ZDHHC3: variants seen among roughly 807,000 people sequenced by gnomAD.
ZDHHC3 encodes zDHHC palmitoyltransferase 3.
A neutral mutation model predicts 30.6 loss-of-function variants in ZDHHC3; 9 were observed. The observed-to-expected ratio is 0.29, with a 90% CI of 0.18 to 0.51. The LOEUF (loss-of-function observed/expected upper bound fraction) is 0.51, where lower values mean the gene tolerates loss of function less well. ZDHHC3 is among the 20% of genes least tolerant of loss of function. The probability of loss-of-function intolerance (pLI) is 0.97; values close to 1 mark genes in which losing one functional copy is unlikely to be tolerated. For missense variants in ZDHHC3, 246 were observed against 384.2 expected, an observed-to-expected ratio of 0.64 and a Z score of 3.01; for synonymous variants, 136 against 140.2, an observed-to-expected ratio of 0.97 and a Z score of 0.21.
intron 1 of ZDHHC3, among the ~76,000 whole-genome samples, chr3:44,963,006 G>C (rs1704614486): frequency 6.6e-6 from 1 of 152,200 alleles, no homozygotes; most frequent in Non-Finnish European, 1.5e-5. Flanking sequence ...GGCTGGCACA[G>C]AGTAGCCACT....
At position 44,922,131 on chromosome 3, in the gene ZDHHC3, T is replaced by C. The variant is rs191254469; in HGVS notation, c.*4558A>G. 161 of 985,454 alleles carry C rather than the reference T, an allele frequency of 1.6e-4. 1 individual carries two copies. The African/African-American group carries it at 2.6e-3, about 16-fold the overall frequency. 61.0% of individuals were successfully genotyped at this position (985,454 alleles called of 1,614,324 possible). On this transcript the variant is annotated 3_prime_UTR_variant, in exon 7 of 7. Transcript: ENST00000424952. Reference sequence around the variant, plus strand: ...GGTCAGTGGCTTGTTTCTGCTTCACTGTGAATTCTTTCTCTTCTATGAGGT... The same window carrying C: ...GGTCAGTGGCTTGTTTCTGCTTCACCGTGAATTCTTTCTCTTCTATGAGGT...
At chr3:44,958,706 A>G in intron 2 of ZDHHC3, 1 of 1,531,572 alleles carries the variant, frequency 6.5e-7, no homozygotes, top group Non-Finnish European at 8.7e-7. Context: ...ATGTGGCTTT[A>G]ATTTCAAGTC....
chr3:44,963,722 G>C (rs1405893973), intron 1 of ZDHHC3, among the ~76,000 whole-genome samples: 1 of 152,126 alleles, frequency 6.6e-6, no homozygotes, highest in Admixed American at 6.5e-5. Context: ...CAGGCTTCTG[G>C]GACAGGGCCC....
In ZDHHC3 at chr3:44,922,650, A is replaced by G. The variant is rs1700680325; in HGVS notation, c.*4039T>C. The G allele has an allele frequency of 1.0e-6, 1 of 984,616 alleles. No individual in the cohort carries two copies. The highest frequency in any genetic ancestry group is 1.8e-5 in the African/African-American group (1 of 56,896). 61.0% of individuals were successfully genotyped at this position (984,616 alleles called of 1,614,324 possible). A position where few individuals can be genotyped will look rare whatever the true frequency, so the allele number is the denominator to read the frequency against. On this transcript the variant is annotated 3_prime_UTR_variant, in exon 7 of 7. Transcript: ENST00000424952. The stretch of plus-strand genomic sequence containing the variant: ...GGCATCAGGGACCACCTGAGGGGGG[A>G]CTCCTGCTAGCCCCAACTGGATTCT...
At position 44,919,279 on chromosome 3, in the gene ZDHHC3, C is replaced by G. The variant is rs953383456; in HGVS notation, c.*7410G>C. On this transcript the variant is annotated 3_prime_UTR_variant, in exon 7 of 7. Coordinates refer to ENST00000424952, the MANE Select transcript of ZDHHC3 (RefSeq NM_001135179.2). ...TATCAACACCATATGCCTCCTGATA[C>G]GGTGCAACGAGGACACATTGCTTCA... 1 of 221,404 alleles carries G rather than the reference C, an allele frequency of 4.5e-6. No individual in the cohort carries two copies. The highest frequency in any genetic ancestry group is 2.4e-5 in the African/African-American group (1 of 42,458). 13.7% of individuals were successfully genotyped at this position (221,404 alleles called of 1,614,324 possible).
chr3:44,932,377 T>TA (rs1320512020), intron 5 of ZDHHC3, among the ~76,000 whole-genome samples: 1 of 151,870 alleles, frequency 6.6e-6, no homozygotes, highest in Non-Finnish European at 1.5e-5. Context: ...GACAGTGAAA[T>TA]AAAAAAAAGG....
In ZDHHC3 at chr3:44,918,473, G is replaced by A. The variant is rs1383130275; in HGVS notation, c.*8216C>T. 1.0e-6 allele frequency: 1 copy of A among 985,404 alleles called. No homozygotes were observed. The highest frequency in any genetic ancestry group is 1.2e-6 in the Non-Finnish European group (1 of 829,932). The allele number at this position is 985,404 out of a possible 1,614,324, so 61.0% of individuals were successfully genotyped here. A position where few individuals can be genotyped will look rare whatever the true frequency, so the allele number is the denominator to read the frequency against. On this transcript the variant is annotated 3_prime_UTR_variant, in exon 7 of 7. Coordinates refer to ENST00000424952, the MANE Select transcript of ZDHHC3 (RefSeq NM_001135179.2). ...ATGCCAGATGATGGGCAGGGGCTAG[G>A]CTGATGAGTGGCTGAGGCATAAGGG...
intron 3 of ZDHHC3, 139 bp downstream of exon 3, chr3:44,945,029 A>G: frequency 7.9e-7 from 1 of 1,260,922 alleles, no homozygotes; most frequent in Non-Finnish European, 1.1e-6. Context: ...CTCTGCCCAG[A>G]GCAGGGGACA....
intron 3 of ZDHHC3, chr3:44,938,494 A>C (rs562868899): frequency 5.1e-5 from 10 of 196,040 alleles, no homozygotes; most frequent in Admixed American, 1.4e-4. Flanking sequence ...AGCACAAAGG[A>C]CGATATTTCA....
In ZDHHC3 at chr3:44,922,345, T is replaced by A; in HGVS notation, c.*4344A>T. The A allele has an allele frequency of 1.0e-6, 1 of 985,394 alleles. No homozygotes were observed. Among genetic ancestry groups the A allele is most frequent in the Non-Finnish European group, 1.2e-6 (1 of 829,914 alleles). 61.0% of individuals were successfully genotyped at this position (985,394 alleles called of 1,614,324 possible). A position where few individuals can be genotyped will look rare whatever the true frequency, so the allele number is the denominator to read the frequency against. ...GTCCCTTGGTTCTACTCTTTTCTCT[T>A]TCCCTTCCGGGCTGCTTCTTCACCC... On this transcript the variant is annotated 3_prime_UTR_variant, in exon 7 of 7. Transcript: ENST00000424952.
Position 44,921,113 on chromosome 3 carries a change from T to C in ZDHHC3, c.*5576A>G. ...GGTCATAGTCGACACCAGAAGCTCTTGCAGGGTGTGTGATGGGCCTTTTGG... is the reference window on the plus strand; with the variant it reads ...GGTCATAGTCGACACCAGAAGCTCTCGCAGGGTGTGTGATGGGCCTTTTGG... On this transcript the variant is annotated 3_prime_UTR_variant, in exon 7 of 7. Coordinates refer to ENST00000424952, the MANE Select transcript of ZDHHC3 (RefSeq NM_001135179.2). The C allele has an allele frequency of 1.0e-6, 1 of 985,400 alleles. No individual in the cohort carries two copies. Among genetic ancestry groups the C allele is most frequent in the African/African-American group, 1.7e-5 (1 of 57,338 alleles). 61.0% of individuals were successfully genotyped at this position (985,400 alleles called of 1,614,324 possible).
At chr3:44,948,754 T>C (rs1266860325) in intron 2 of ZDHHC3, among the ~76,000 whole-genome samples, 1 of 152,170 alleles carries the variant, frequency 6.6e-6, no homozygotes, top group Non-Finnish European at 1.5e-5. Context: ...GAGGTGGGCC[T>C]ACAGATCTCC....
In ZDHHC3 at chr3:44,925,562, T is replaced by G. The variant is rs1700913592; in HGVS notation, c.*1127A>C. 1.0e-6 allele frequency: 1 copy of G among 985,382 alleles called. No homozygotes were observed. The highest frequency in any genetic ancestry group is 1.2e-6 in the Non-Finnish European group (1 of 829,966). The allele number at this position is 985,382 out of a possible 1,614,324, so 61.0% of individuals were successfully genotyped here. ...TCCCAGTGCCACAGGCTTAGGTGTG[T>G]CTGTGGATTCTGGCCAATGGGATGG... On this transcript the variant is annotated 3_prime_UTR_variant, in exon 7 of 7. Coordinates refer to ENST00000424952, the MANE Select transcript of ZDHHC3 (RefSeq NM_001135179.2).
In ZDHHC3 at chr3:44,915,471, A is replaced by C. The variant is rs1326725545; in HGVS notation, c.*11218T>G. ...TCAGGGTTGGACAGGTTAATTACCTACATAACCCTGGCTGTGGCCCAGCCC... is the reference window on the plus strand; with the variant it reads ...TCAGGGTTGGACAGGTTAATTACCTCCATAACCCTGGCTGTGGCCCAGCCC... On this transcript the variant is annotated 3_prime_UTR_variant, in exon 7 of 7. Coordinates refer to ENST00000424952, the MANE Select transcript of ZDHHC3 (RefSeq NM_001135179.2). 2 of 152,220 alleles carry C rather than the reference A, an allele frequency of 1.3e-5. No individual in the cohort carries two copies. The highest frequency in any genetic ancestry group is 6.5e-5 in the Admixed American group (1 of 15,286). 9.4% of individuals were successfully genotyped at this position (152,220 alleles called of 1,614,324 possible).
At chr3:44,929,529 C>T in intron 5 of ZDHHC3, 93 bp from the exon 6 acceptor site, 23 of 1,515,868 alleles carry the variant, frequency 1.5e-5, no homozygotes, top group Non-Finnish European at 1.8e-5. Context: ...CTGCCTCCTG[C>T]TTGCAGGCCT....
At position 44,933,873 on chromosome 3, in the gene ZDHHC3, T is replaced by C. The variant is rs2125828641; in HGVS notation, c.528+15A>G. 6.2e-7 allele frequency: 1 copy of C among 1,613,604 alleles called. No individual in the cohort carries two copies. Among genetic ancestry groups the C allele is most frequent in the Non-Finnish European group, 8.5e-7 (1 of 1,179,526 alleles). The stretch of plus-strand genomic sequence containing the variant: ...GCTTCATGGGGGGCAGGGCAGAATT[T>C]GCAAGCTGACTTACTGTAAACAGGA... On this transcript the variant is annotated intron_variant, in intron 4 of 6. Transcript: ENST00000424952.
At chr3:44,973,043 G>A (rs1395947789) in intron 1 of ZDHHC3, among the ~76,000 whole-genome samples, 1 of 152,016 alleles carries the variant, frequency 6.6e-6, no homozygotes, top group African/African-American at 2.4e-5. Flanking sequence ...TTAAAATATT[G>A]GGTTGCAACA....
In ZDHHC3 at chr3:44,915,287, C is replaced by T. The variant is rs1421191843; in HGVS notation, c.*11402G>A. The T allele has an allele frequency of 6.6e-6, 1 of 152,162 alleles. No homozygotes were observed. Among genetic ancestry groups the T allele is most frequent in the Non-Finnish European group, 1.5e-5 (1 of 68,046 alleles). 9.4% of individuals were successfully genotyped at this position (152,162 alleles called of 1,614,324 possible). ...GAGGGTGAGCAAAGAGCTTTTTATT[C>T]AAAGAAAGAGGCAAATTGCACCCAA... On this transcript the variant is annotated 3_prime_UTR_variant, in exon 7 of 7. Transcript: ENST00000424952.
rs1700686854 is a variant in ZDHHC3 at position 44,922,717 on chromosome 3, C to CCTGG, written c.*3971_*3972insCCAG. 1.0e-6 allele frequency: 1 copy of CCTGG among 984,774 alleles called. No individual in the cohort carries two copies. The highest frequency in any genetic ancestry group is 1.2e-6 in the Non-Finnish European group (1 of 829,498). The allele number at this position is 984,774 out of a possible 1,614,324, so 61.0% of individuals were successfully genotyped here. A position where few individuals can be genotyped will look rare whatever the true frequency, so the allele number is the denominator to read the frequency against. On this transcript the variant is annotated 3_prime_UTR_variant, in exon 7 of 7. Transcript: ENST00000424952. ...AATCACCTGGAGGGCTGTTAAGACA[C>CCTGG]GGGCTGCTGGGCCCCGCTCGGTTTC...
Sources: gnomAD v4.1 joint callset for allele counts (sites outside exome capture counted in the v4.1 genomes callset) on GRCh38, gnomAD v4.1.1 for gene constraint, MANE v1.5 for transcripts, NCBI Gene and HGNC (gene_info 2026-07-23, HGNC 2026-07-21) for gene names.